Variants in ESRRG observed in about 807,000 individuals in gnomAD.
ESRRG encodes the protein estrogen related receptor gamma.
In ESRRG, 13 loss-of-function variants were observed where a neutral mutation model predicts 44.0. The observed-to-expected ratio is 0.30, with a 90% CI of 0.19 to 0.47. The LOEUF is 0.47. Ranked by LOEUF, ESRRG falls within the 20% of genes least tolerant of loss-of-function variation. The probability of loss-of-function intolerance (pLI) is 1.00; values close to 1 mark genes in which losing one functional copy is unlikely to be tolerated. For missense variants in ESRRG, 395 were observed against 580.6 expected (o/e 0.68, Z 3.29); for synonymous variants, 215 against 214.6 (o/e 1.00, Z -0.02).
intron 1 of ESRRG, among the ~76,000 whole-genome samples, chr1:217,011,507 A>AC (rs2078609692): frequency 6.6e-6 from 1 of 152,196 alleles, no homozygotes. Context: ...CGCTTCCTCT[A>AC]CACATTAGCT....
intron 5 of ESRRG, among the ~76,000 whole-genome samples, chr1:216,557,533 T>A (rs1219036703): frequency 6.6e-6 from 1 of 152,162 alleles, no homozygotes; most frequent in Non-Finnish European, 1.5e-5. Flanking sequence ...GGTTTACTCA[T>A]CTATAAAGTG....
chr1:216,587,137 G>T (rs1477553239), intron 3 of ESRRG, among the ~76,000 whole-genome samples: 1 of 152,090 alleles, frequency 6.6e-6, no homozygotes, highest in Admixed American at 6.5e-5. Context: ...TCCATAGTAT[G>T]TCTATGAAAT....
At chr1:216,597,396 T>G (rs541968129) in intron 3 of ESRRG, among the ~76,000 whole-genome samples, 60 of 152,252 alleles carry the variant, frequency 3.9e-4, no homozygotes, top group African/African-American at 1.4e-3. Flanking sequence ...TGGGCATCAC[T>G]GTGTTGAGTT....
chr1:216,568,985 C>A (rs1325959532), intron 3 of ESRRG, among the ~76,000 whole-genome samples: 1 of 151,470 alleles, frequency 6.6e-6, no homozygotes, highest in Non-Finnish European at 1.5e-5. Flanking sequence ...ACCCGGGAGG[C>A]GGAGGTTGCA....
intron 2 of ESRRG, among the ~76,000 whole-genome samples, chr1:216,665,147 T>C (rs1196551303): frequency 2.0e-5 from 3 of 152,222 alleles, no homozygotes; most frequent in African/African-American, 7.2e-5. Flanking sequence ...CTTTTAGTAC[T>C]GTATATTGTT....
At chr1:217,092,877 G>A (rs185880559), upstream of ESRRG, among the ~76,000 whole-genome samples, 5 of 152,274 alleles carry the variant, frequency 3.3e-5, no homozygotes, top group Admixed American at 3.3e-4. Flanking sequence ...TGTAGCAAAA[G>A]TGTTATCCTT....
At position 216,944,838 on chromosome 1, in the gene ESRRG, G is replaced by C. The variant is rs562719848; in HGVS notation, c.-105-5165C>G. ...CTTTTCTCTCTCTGGGGGAATAACA[G>C]AGATCAACTCACAGTATTAGAACCT... On this transcript the variant is annotated intron_variant, in intron 1 of 7. Coordinates refer to the ESRRG transcript ENST00000359162. Among the ~76,000 whole-genome samples, 3 of 152,200 alleles carry C rather than the reference G, an allele frequency of 2.0e-5. No homozygotes were observed. The East Asian group carries it at 5.8e-4, about 29-fold the overall frequency.
chr1:216,510,011 T>C (rs1558160298), intron 6 of ESRRG, among the ~76,000 whole-genome samples: 2 of 152,240 alleles, frequency 1.3e-5, no homozygotes, highest in Non-Finnish European at 2.9e-5. Flanking sequence ...TGGTTTCTTT[T>C]TAACTATGCT....
intron 1 of ESRRG, among the ~76,000 whole-genome samples, chr1:217,121,215 C>T (rs1207841078): frequency 2.0e-5 from 3 of 152,024 alleles, no homozygotes; most frequent in African/African-American, 7.3e-5. Context: ...TCTGAAATCG[C>T]TCAGTATAAC....
intron 5 of ESRRG, among the ~76,000 whole-genome samples, chr1:216,550,231 C>T (rs1340300406): frequency 1.3e-5 from 2 of 152,058 alleles, no homozygotes; most frequent in African/African-American, 4.8e-5. Flanking sequence ...AGCGGCATAT[C>T]GCAAATTGAA....
intron 1 of ESRRG, among the ~76,000 whole-genome samples, chr1:217,005,362 G>T (rs1185114375): frequency 2.6e-5 from 4 of 152,074 alleles, no homozygotes; most frequent in South Asian, 2.1e-4. Context: ...AACAAAGACT[G>T]GTGCCTTTTC....
chr1:216,514,959 TACACAC>T (rs35668576), intron 6 of ESRRG, among the ~76,000 whole-genome samples: 43 of 149,262 alleles, frequency 2.9e-4, no homozygotes, highest in African/African-American at 7.1e-4. Flanking sequence ...TTTTACTTTA[TACACAC>T]ACACACACAC....
intron 3 of ESRRG, among the ~76,000 whole-genome samples, chr1:216,635,355 C>T (rs1225567556): frequency 6.6e-6 from 1 of 152,050 alleles, no homozygotes; most frequent in African/African-American, 2.4e-5. Flanking sequence ...GCTTTGAACC[C>T]AAGTTGTTTA....
At chr1:217,089,485 G>A (rs1160163514) in intron 1 of ESRRG, 4 of 152,282 alleles carry the variant, frequency 2.6e-5, no homozygotes, top group Non-Finnish European at 5.9e-5. Flanking sequence ...AGATGTTGAT[G>A]ATAAGGATTT....
intron 2 of ESRRG, among the ~76,000 whole-genome samples, chr1:216,778,988 C>T (rs1004747915): frequency 6.0e-5 from 9 of 149,540 alleles, no homozygotes; most frequent in African/African-American, 2.0e-4. Context: ...CTCATCAACT[C>T]TGTTATGTCA....
At chr1:217,042,275 G>T (rs1442082883) in intron 1 of ESRRG, among the ~76,000 whole-genome samples, 3 of 152,074 alleles carry the variant, frequency 2.0e-5, no homozygotes, top group African/African-American at 7.2e-5. Context: ...TGCTAAAAAT[G>T]AGTCACTAAA....
At chr1:216,764,952 G>A (rs562713352) in intron 2 of ESRRG, among the ~76,000 whole-genome samples, 28 of 152,156 alleles carry the variant, frequency 1.8e-4, no homozygotes, top group African/African-American at 6.0e-4. Flanking sequence ...TGGAACAGCC[G>A]CCCTTCAGGG....
chr1:216,714,431 C>A (rs1019700232), intron 1 of ESRRG: 3 of 189,418 alleles, frequency 1.6e-5, no homozygotes, highest in Admixed American at 6.5e-5. Flanking sequence ...GCATTCCCCC[C>A]ACACTTCAGG....
At chr1:216,546,212 A>T (rs1398004246) in intron 5 of ESRRG, among the ~76,000 whole-genome samples, 1 of 152,014 alleles carries the variant, frequency 6.6e-6, no homozygotes, top group Admixed American at 6.6e-5. Context: ...ATTGTCAGAC[A>T]TTACCAAATG....
Sources: gnomAD v4.1 joint callset for allele counts (sites outside exome capture counted in the v4.1 genomes callset) on GRCh38, gnomAD v4.1.1 for gene constraint, MANE v1.5 for transcripts, NCBI Gene and HGNC (gene_info 2026-07-23, HGNC 2026-07-21) for gene names.